Variants in TRAF5 observed in about 807,000 individuals in gnomAD.
The protein encoded by TRAF5 is TNF receptor associated factor 5.
In TRAF5, 48 loss-of-function variants were observed where a neutral mutation model predicts 64.5. That is an observed-to-expected ratio of 0.74 (90% CI 0.59 to 0.95). The LOEUF (loss-of-function observed/expected upper bound fraction) is 0.95. TRAF5 is among the 40% of genes least tolerant of loss of function. The pLI, the probability that TRAF5 is intolerant of heterozygous loss-of-function variation, is 0.00. For missense variants in TRAF5, 545 were observed against 662.8 expected (o/e 0.82, Z 1.95); for synonymous variants, 206 against 240.5 (o/e 0.86, Z 1.33).
At position 211,350,982 on chromosome 1, in the gene TRAF5, A is replaced by T. The variant is rs141640873; in HGVS notation, c.-1-2257A>T. Among the ~76,000 whole-genome samples the T allele has an allele frequency of 4.0e-5, 6 of 150,074 alleles. No homozygotes were observed. The East Asian group carries it at 9.8e-4, about 25-fold the overall frequency. ...CACCTCAGCCTCCTGAGTAGCTGGG[A>T]CTACAGGTGTGCACCACCATTCCCT... On this transcript the variant is annotated intron_variant, in intron 1 of 10. Transcript: ENST00000261464.
Position 211,365,486 on chromosome 1 carries a change from C to G in TRAF5, c.789+18C>G, listed in dbSNP as rs1439180845. ...AAGAACAGGTAAATCTTCAAAGGTT[C>G]AAATAAAAAGTGAGGCAACAGAATT... On this transcript the variant is annotated intron_variant, in intron 8 of 10. Coordinates refer to ENST00000261464, the MANE Select transcript of TRAF5 (RefSeq NM_001033910.3). The G allele has an allele frequency of 1.9e-6, 3 of 1,597,152 alleles. No homozygotes were observed. Among genetic ancestry groups the G allele is most frequent in the Non-Finnish European group, 2.6e-6 (3 of 1,167,560 alleles).
chr1:211,356,414 A>G lies in TRAF5; in HGVS notation c.324A>G (p.Val108=), dbSNP rs748971408. ...AAAGAGAAGTCCTCAACTTATATGT[A>G]TATTGCAGCAATGCTCCTGGATGTA... ...CCKREVLNLY[V]YCSNAPGCNA... Residue 108 remains valine, a synonymous_variant, in exon 4 of 11, where the codon GTA becomes GTG. Coordinates refer to ENST00000261464, the MANE Select transcript of TRAF5 (RefSeq NM_001033910.3). The G allele has an allele frequency of 1.2e-6, 2 of 1,614,042 alleles. No individual in the cohort carries two copies. Among genetic ancestry groups the G allele is most frequent in the Non-Finnish European group, 8.5e-7 (1 of 1,180,000 alleles).
chr1:211,360,151 A>T (rs914358980), intron 5 of TRAF5, 75 bp downstream of exon 5: 4 of 1,440,338 alleles, frequency 2.8e-6, no homozygotes, highest in Admixed American at 1.8e-5. Flanking sequence ...AATCAGGTGG[A>T]ATGCCAGAAG....
chr1:211,332,408 C>A (rs1315332133), intron 1 of TRAF5, among the ~76,000 whole-genome samples: 5 of 152,082 alleles, frequency 3.3e-5, no homozygotes, highest in Non-Finnish European at 2.9e-5. Flanking sequence ...AGGCGTATGG[C>A]TTAGAACAGC....
chr1:211,328,238 AAGAC>A (rs199988308), intron 1 of TRAF5, among the ~76,000 whole-genome samples: 1,845 of 152,342 alleles, frequency 0.012, 17 homozygotes, highest in Middle Eastern at 0.071. Context: ...TTGAACTAGA[AAGAC>A]AGAAATTGCT....
chr1:211,360,731 C>T lies in TRAF5; in HGVS notation c.573C>T (p.Tyr191=), dbSNP rs761461630. ...ATGAGGAAAACTTGTGTCCTGAATA[C>T]CCAGTATTTTGTCCCAACAATTGTG... ...QNHEENLCPE[Y]PVFCPNNCAK... The change falls in exon 6 of 11, where the codon TAC becomes TAT. Residue 191 remains tyrosine (Y), a synonymous_variant. Transcript: ENST00000261464. The T allele has an allele frequency of 1.2e-6, 2 of 1,613,890 alleles. No homozygotes were observed. The highest frequency in any genetic ancestry group is 2.2e-5 in the South Asian group (2 of 91,072).
chr1:211,333,347 C>G (rs1017146971), intron 1 of TRAF5, among the ~76,000 whole-genome samples: 14 of 151,694 alleles, frequency 9.2e-5, no homozygotes, highest in Non-Finnish European at 1.9e-4. Context: ...TGCCACCATG[C>G]CTGGCTATGT....
rs1193185823 is a variant in TRAF5 at position 211,372,579 on chromosome 1, T to C, written c.1551T>C (p.Ile517=). 6.2e-7 allele frequency: 1 copy of C among 1,614,138 alleles called. No individual in the cohort carries two copies. The highest frequency in any genetic ancestry group is 8.5e-7 in the Non-Finnish European group (1 of 1,180,024). ...AAAGACCTGATGGGGAGATGAACAT[T>C]GCATCTGGCTGTCCCCGCTTTGTGG... is the stretch of plus-strand genomic sequence containing the variant. ...SFKRPDGEMN[I]ASGCPRFVAH... is the part of the protein sequence containing the mutation. Residue 517 remains isoleucine, a synonymous_variant, in exon 11 of 11, where the codon ATT becomes ATC. Coordinates refer to ENST00000261464, the MANE Select transcript of TRAF5 (RefSeq NM_001033910.3).
chr1:211,352,429 T>C (rs1378105177), intron 1 of TRAF5, among the ~76,000 whole-genome samples: 1 of 143,026 alleles, frequency 7.0e-6, no homozygotes, highest in Non-Finnish European at 1.5e-5. Flanking sequence ...AGCCAAACCA[T>C]GTCACTGTCT....
At chr1:211,338,869 C>T (rs1449918369) in intron 1 of TRAF5, among the ~76,000 whole-genome samples, 1 of 152,194 alleles carries the variant, frequency 6.6e-6, no homozygotes, top group South Asian at 2.1e-4. Context: ...AGACAATCCG[C>T]CTGCCTTGGC....
intron 4 of TRAF5, chr1:211,357,560 C>A (rs1703006449): frequency 6.6e-6 from 1 of 152,194 alleles, no homozygotes; most frequent in Admixed American, 6.5e-5. Context: ...CCACCTGTTT[C>A]TTTTATATTT....
chr1:211,344,856 C>T (rs750464982), intron 1 of TRAF5, among the ~76,000 whole-genome samples: 69 of 152,102 alleles, frequency 4.5e-4, no homozygotes, highest in Admixed American at 1.3e-3. Flanking sequence ...CAGGCCCAAG[C>T]GATCCTCCTG....
intron 4 of TRAF5, chr1:211,358,885 ATGTT>A (rs1484391350): frequency 6.7e-6 from 1 of 148,794 alleles, no homozygotes; most frequent in Non-Finnish European, 1.5e-5. Flanking sequence ...ATGTAAATAA[ATGTT>A]TATTTTTAAT....
Position 211,361,781 on chromosome 1 carries a change from C to G in TRAF5, c.696+619C>G, listed in dbSNP as rs1415865611. ...GCATGATCTCGGCTCAATGCAACCT[C>G]TGCATCCTGGGTTCAAGCAATTCTC... On this transcript the variant is annotated intron_variant, in intron 7 of 10. Coordinates refer to ENST00000261464, the MANE Select transcript of TRAF5 (RefSeq NM_001033910.3). Among the ~76,000 whole-genome samples, 9 of 140,480 alleles carry G rather than the reference C, an allele frequency of 6.4e-5. No homozygotes were observed. In the Admixed American group the frequency reaches 7.0e-4, roughly 11 times the overall value. The allele number at this position is 140,480 out of a possible 152,430, so 92.2% of individuals were successfully genotyped here.
At chr1:211,358,433 C>A (rs1703051117) in intron 4 of TRAF5, 1 of 150,114 alleles carries the variant, frequency 6.7e-6, no homozygotes, top group Admixed American at 6.7e-5. Flanking sequence ...GCCAAGATTG[C>A]GCCACTGCAC....
intron 1 of TRAF5, among the ~76,000 whole-genome samples, chr1:211,348,215 A>G (rs958912068): frequency 6.6e-6 from 1 of 152,256 alleles, no homozygotes; most frequent in African/African-American, 2.4e-5. Flanking sequence ...AACACATTAA[A>G]GAGATGTGCA....
intron 9 of TRAF5, 106 bp from the exon 10 acceptor site, chr1:211,371,196 A>T: frequency 1.9e-6 from 2 of 1,035,020 alleles, no homozygotes; most frequent in Non-Finnish European, 2.7e-6. Context: ...TCATTCTGTT[A>T]ATTGATTAAA....
At chr1:211,336,624 TA>T (rs1488917564) in intron 1 of TRAF5, among the ~76,000 whole-genome samples, 2 of 152,246 alleles carry the variant, frequency 1.3e-5, no homozygotes, top group Admixed American at 1.3e-4. Flanking sequence ...AAGTATTTAC[TA>T]AGCACCTGTC....
chr1:211,327,927 T>G (rs955129271), intron 1 of TRAF5, among the ~76,000 whole-genome samples: 4 of 152,332 alleles, frequency 2.6e-5, no homozygotes, highest in Non-Finnish European at 5.9e-5. Context: ...TGTAAATATT[T>G]ATTGGGCAGG....
Sources: allele counts gnomAD v4.1 joint callset (sites outside exome capture counted in the v4.1 genomes callset), GRCh38; gene constraint gnomAD v4.1.1; transcripts MANE v1.5; gene names NCBI Gene and HGNC (gene_info 2026-07-23, HGNC 2026-07-21).